CLEC16A: variants seen among roughly 807,000 people sequenced by gnomAD.
CLEC16A encodes the protein C-type lectin domain containing 16A, also known as protein CLEC16A.
CLEC16A carries 51 observed loss-of-function variants against 109.5 expected under a neutral mutation model. That is an observed-to-expected ratio of 0.47 (90% CI 0.37 to 0.59). The LOEUF is 0.59. Among genes scored for constraint, CLEC16A ranks in the 20% least tolerant of loss-of-function variants. CLEC16A has a pLI of 0.00. For missense variants in CLEC16A, 1,339 were observed against 1,394.0 expected, an observed-to-expected ratio of 0.96 and a Z score of 0.63; for synonymous variants, 673 against 564.2, an observed-to-expected ratio of 1.19 and a Z score of -2.73.
At chr16:10,977,792 A>G (rs1364891058) in intron 8 of CLEC16A, among the ~76,000 whole-genome samples, 1 of 152,194 alleles carries the variant, frequency 6.6e-6, no homozygotes, top group Non-Finnish European at 1.5e-5. Context: ...TGCTGGGATT[A>G]TGGCCAGAAC....
At chr16:11,153,125 T>C (rs1377075028) in intron 22 of CLEC16A, among the ~76,000 whole-genome samples, 1 of 152,166 alleles carries the variant, frequency 6.6e-6, no homozygotes, top group Non-Finnish European at 1.5e-5. Context: ...GGATGTTCAA[T>C]ATTTAAACAT....
At chr16:11,101,377 A>G (rs746183904) in intron 19 of CLEC16A, among the ~76,000 whole-genome samples, 1 of 152,056 alleles carries the variant, frequency 6.6e-6, no homozygotes, top group Non-Finnish European at 1.5e-5. Context: ...AGCCCCAACA[A>G]AGGACAGGAG....
chr16:11,079,191 C>T (rs1052751262), intron 19 of CLEC16A, among the ~76,000 whole-genome samples: 16 of 152,204 alleles, frequency 1.1e-4, no homozygotes, highest in African/African-American at 3.6e-4. Flanking sequence ...TTGAAACTCC[C>T]TGCAGCACTG....
At chr16:10,992,216 C>T (rs536728770) in intron 10 of CLEC16A, among the ~76,000 whole-genome samples, 47 of 152,264 alleles carry the variant, frequency 3.1e-4, no homozygotes, top group African/African-American at 1.1e-3. Flanking sequence ...CCAGATCTCA[C>T]TCCTCCTGTC....
intron 13 of CLEC16A, among the ~76,000 whole-genome samples, chr16:11,034,285 A>G (rs1351859987): frequency 6.6e-6 from 1 of 152,184 alleles, no homozygotes; most frequent in Non-Finnish European, 1.5e-5. Flanking sequence ...AGCTGGTAAT[A>G]CTTGTGTGAC....
intron 11 of CLEC16A, among the ~76,000 whole-genome samples, chr16:11,006,039 A>G (rs972087279): frequency 6.6e-6 from 1 of 152,112 alleles, no homozygotes; most frequent in Admixed American, 6.5e-5. Flanking sequence ...AGACTGGCTT[A>G]AGCAAAGAGG....
At chr16:11,084,953 C>T (rs1304556738) in intron 19 of CLEC16A, among the ~76,000 whole-genome samples, 1 of 152,220 alleles carries the variant, frequency 6.6e-6, no homozygotes, top group Non-Finnish European at 1.5e-5. Context: ...TGGAATAACT[C>T]ACGGCCCATG....
At chr16:11,034,258 G>T (rs1019879525) in intron 13 of CLEC16A, among the ~76,000 whole-genome samples, 1 of 152,160 alleles carries the variant, frequency 6.6e-6, no homozygotes, top group Non-Finnish European at 1.5e-5. Context: ...CGAAATCTTT[G>T]GTCTATAGTC....
intron 22 of CLEC16A, among the ~76,000 whole-genome samples, chr16:11,140,964 A>G (rs1025556436): frequency 6.6e-6 from 1 of 152,226 alleles, no homozygotes; most frequent in Non-Finnish European, 1.5e-5. Context: ...TAGCTGGGCC[A>G]GCATTTTACA....
At chr16:10,960,175 G>A (rs1230572698) in intron 2 of CLEC16A, among the ~76,000 whole-genome samples, 1 of 152,182 alleles carries the variant, frequency 6.6e-6, no homozygotes, top group African/African-American at 2.4e-5. Flanking sequence ...ACTGACATTG[G>A]TACAGTATTG....
intron 10 of CLEC16A, among the ~76,000 whole-genome samples, chr16:10,995,106 A>G (rs1053823642): frequency 1.4e-4 from 21 of 152,386 alleles, no homozygotes; most frequent in East Asian, 9.6e-4. Context: ...TAAAGTGTTC[A>G]GAGCCATGCT....
chr16:11,001,198 A>G (rs1353392863), intron 10 of CLEC16A, among the ~76,000 whole-genome samples: 1 of 151,756 alleles, frequency 6.6e-6, no homozygotes, highest in Non-Finnish European at 1.5e-5. Flanking sequence ...CGATCCTTCT[A>G]CCTCAGCCTC....
intron 8 of CLEC16A, among the ~76,000 whole-genome samples, 168 bp from the exon 9 acceptor site, chr16:10,979,161 C>T (rs1003234659): frequency 3.9e-5 from 6 of 152,058 alleles, no homozygotes; most frequent in African/African-American, 1.4e-4. Flanking sequence ...TGGGATTTTG[C>T]GGAGTGGACT....
intron 17 of CLEC16A, chr16:11,048,494 C>G (rs1056493321): frequency 1.3e-5 from 2 of 152,164 alleles, no homozygotes; most frequent in Non-Finnish European, 2.9e-5. Context: ...TTATAATAAA[C>G]CTAAGTGTTT....
At chr16:11,063,708 A>ACAGCC (rs944751120) in intron 19 of CLEC16A, among the ~76,000 whole-genome samples, 9 of 152,150 alleles carry the variant, frequency 5.9e-5, no homozygotes, top group Non-Finnish European at 1.0e-4. Context: ...GCTGGGTGTG[A>ACAGCC]CAGCCGAGCT....
Position 11,161,441 on chromosome 16 carries a change from A to G in CLEC16A, c.2642-4947A>G, listed in dbSNP as rs529932529. Among the ~76,000 whole-genome samples, 15 of 152,364 alleles carry G rather than the reference A, an allele frequency of 9.8e-5. No homozygotes were observed. In the South Asian group the frequency reaches 3.1e-3, roughly 32 times the overall value. On this transcript the variant is annotated intron_variant, in intron 22 of 23. Coordinates refer to ENST00000409790, the MANE Select transcript of CLEC16A (RefSeq NM_015226.3). ...GAACTCCAGACCGAGGGAACGGCCT[A>G]GCAAAGGTTGAGAGCAAGTGGTTCT...
chr16:11,122,328 A>G (rs1438433636), intron 20 of CLEC16A, among the ~76,000 whole-genome samples: 1 of 152,248 alleles, frequency 6.6e-6, no homozygotes, highest in Non-Finnish European at 1.5e-5. Flanking sequence ...ACTCCATGTA[A>G]GACATTATCC....
intron 14 of CLEC16A, chr16:11,041,116 G>A (rs1024006140): frequency 2.6e-5 from 4 of 152,178 alleles, no homozygotes; most frequent in African/African-American, 7.2e-5. Flanking sequence ...TGCCAGATGC[G>A]GGTTTTGGCT....
chr16:11,048,707 C>A (rs2047765915), intron 17 of CLEC16A, among the ~76,000 whole-genome samples: 2 of 152,168 alleles, frequency 1.3e-5, no homozygotes, highest in South Asian at 4.1e-4. Context: ...GTGCCAGGCC[C>A]CCGTGGGCTG....
Sources: allele counts gnomAD v4.1 joint callset (sites outside exome capture counted in the v4.1 genomes callset), GRCh38; gene constraint gnomAD v4.1.1; transcripts MANE v1.5; gene names NCBI Gene and HGNC (gene_info 2026-07-23, HGNC 2026-07-21).